The following GPR135 variants were observed in gnomAD, a reference collection of about 807,000 sequenced individuals.
The protein encoded by GPR135 is G protein-coupled receptor 135, also known as G-protein coupled receptor 135.
GPR135 carries 17 observed loss-of-function variants against 15.0 expected under a neutral mutation model. The ratio of observed to expected loss-of-function variants is 1.13; its 90% confidence interval spans 0.78 to 1.70. The LOEUF is 1.70. GPR135 is among the 40% of genes most tolerant of loss of function. The pLI is 0.00. For synonymous variants in GPR135, 368 were observed against 349.4 expected, an observed-to-expected ratio of 1.05 and a Z score of -0.59; for missense variants, 776 against 727.0, an observed-to-expected ratio of 1.07 and a Z score of -0.78.
In GPR135 at chr14:59,465,026, G is replaced by A. The variant is rs1433224068; in HGVS notation, c.201C>T (p.Pro67=). The A allele has an allele frequency of 7.5e-7, 1 of 1,334,034 alleles. No individual in the cohort carries two copies. The highest frequency in any genetic ancestry group is 9.6e-7 in the Non-Finnish European group (1 of 1,046,454). 82.6% of individuals were successfully genotyped at this position (1,334,034 alleles called of 1,614,324 possible). A position where few individuals can be genotyped will look rare whatever the true frequency, so the allele number is the denominator to read the frequency against. The stretch of plus-strand genomic sequence containing the variant: ...CGGACCCGCCAAGGCCGCCGCCACC[G>A]GGAGCGGCAGCTGTGCCGCCTCCGC... The part of the protein sequence containing the change: ...DASGGGTAAA[P]GGGGLGGSGA... Residue 67 remains proline, a synonymous_variant, in exon 1 of 1, where the codon CCC becomes CCT. Coordinates refer to ENST00000395116, the MANE Select transcript of GPR135 (RefSeq NM_022571.6).
rs755142012 is a variant in GPR135 at position 59,464,652 on chromosome 14, G to T, written c.575C>A (p.Ser192Ter). Residue 192 changes from serine (S) to a stop codon, truncating the protein, a stop_gained, in exon 1 of 1, where the codon TCG becomes TAG. Transcript: ENST00000395116. LOFTEE classifies it high-confidence loss of function. The part of the protein sequence containing the change: ...GFCAASRFFS[S>*]CFGIVSTLSV... The stretch of plus-strand genomic sequence containing the variant: ...GAGCGTGGACACGATGCCGAAGCAC[G>T]AGCTGAAGAAGCGGCTGGCGGCGCA... 4 of 1,596,864 alleles carry T rather than the reference G, an allele frequency of 2.5e-6. No homozygotes were observed. Among genetic ancestry groups the T allele is most frequent in the South Asian group, 1.1e-5 (1 of 90,438 alleles).
intron 6 of GPR135, among the ~76,000 whole-genome samples, chr14:59,452,942 T>G (rs928448427): frequency 3.3e-5 from 5 of 152,140 alleles, no homozygotes; most frequent in African/African-American, 1.2e-4. Context: ...TGGAGAAACC[T>G]AAAATGCATA....
chr14:59,460,719 C>A (rs1888823889), downstream of GPR135: 1 of 152,206 alleles, frequency 6.6e-6, no homozygotes, highest in Non-Finnish European at 1.5e-5. Flanking sequence ...AAATGAAATA[C>A]CCAAACTGGG....
Position 59,463,495 on chromosome 14 carries a change from G to T in GPR135, c.*247C>A. ...GTGAATGTTATTTTTGTCATTTTTG[G>T]CACTTACAGTTCACAATGCTTGGTT... On this transcript the variant is annotated 3_prime_UTR_variant, in exon 1 of 1. Coordinates refer to ENST00000395116, the MANE Select transcript of GPR135 (RefSeq NM_022571.6). 2.0e-6 allele frequency: 1 copy of T among 500,432 alleles called. No individual in the cohort carries two copies. The highest frequency in any genetic ancestry group is 3.5e-6 in the Non-Finnish European group (1 of 285,616). 31.0% of individuals were successfully genotyped at this position (500,432 alleles called of 1,614,324 possible).
rs769585686 is a variant in GPR135, at chr14:59,463,901, G to A, written c.1326C>T (p.Asn442=). The A allele has an allele frequency of 3.7e-6, 6 of 1,613,986 alleles. No individual in the cohort carries two copies. The South Asian group carries it at 6.6e-5, about 18-fold the overall frequency. Residue 442 remains asparagine, a synonymous_variant, in exon 1 of 1, where the codon AAC becomes AAT. Transcript: ENST00000395116. ...TGGCCGGGTTGGAAGAGGACATCCT[G>A]TTGCAGGCCCCCAGCCGGTTGGCAT... ...NRYANRLGAC[N]RMSSSNPASG...
downstream of GPR135, among the ~76,000 whole-genome samples, chr14:59,459,631 G>A (rs1403791537): frequency 6.6e-6 from 1 of 152,212 alleles, no homozygotes. Context: ...ATGTTGAGTT[G>A]CAGAAAAATA....
At position 59,464,320 on chromosome 14, in the gene GPR135, T is replaced by C. The variant is rs376968327; in HGVS notation, c.907A>G (p.Thr303Ala). ...MCFCHYHICK[T>A]VRLSDVRVRP... is the part of the protein sequence containing the mutation. Reference sequence around the variant, plus strand: ...ACGCGCACGTCCGACAGGCGCACCGTCTTGCAGATGTGGTAGTGGCAGAAG... The same window carrying C: ...ACGCGCACGTCCGACAGGCGCACCGCCTTGCAGATGTGGTAGTGGCAGAAG... The change falls in exon 1 of 1, where the codon ACG (threonine) becomes GCG (alanine). Residue 303 changes from threonine to alanine, a missense_variant. Physicochemically the swap from Thr to Ala is moderately conservative, Grantham distance 58. Transcript: ENST00000395116. 2 of 1,611,178 alleles carry C rather than the reference T, an allele frequency of 1.2e-6. No homozygotes were observed. The highest frequency in any genetic ancestry group is 1.7e-6 in the Non-Finnish European group (2 of 1,179,140).
At chr14:59,457,388 T>C (rs893598783), downstream of GPR135, among the ~76,000 whole-genome samples, 1 of 152,186 alleles carries the variant, frequency 6.6e-6, no homozygotes, top group Non-Finnish European at 1.5e-5. Flanking sequence ...TTTCAACCAT[T>C]ATTTCTTCAA....
In GPR135 at chr14:59,463,976, G is replaced by C. The variant is rs1422265183; in HGVS notation, c.1251C>G (p.Ser417Arg). 2 of 1,614,000 alleles carry C rather than the reference G, an allele frequency of 1.2e-6. No homozygotes were observed. The stretch of plus-strand genomic sequence containing the variant: ...TTCTGGCTTGCAGACCCGGGCCCTG[G>C]CTGGGCAGGAAAGCGTCCACATTCC... ...RTRNVDAFLP[S>R]QGPGLQARSR... Residue 417 changes from serine (S) to arginine (R), a missense_variant, in exon 1 of 1, where the codon AGC becomes AGG. Ser to Arg is a moderately radical substitution (Grantham distance 110). Coordinates refer to ENST00000395116, the MANE Select transcript of GPR135 (RefSeq NM_022571.6).
At chr14:59,456,294 T>A (rs946246078), downstream of GPR135, 1 of 152,234 alleles carries the variant, frequency 6.6e-6, no homozygotes, top group Non-Finnish European at 1.5e-5. Flanking sequence ...AATTAGTTTA[T>A]ATCATTTGAA....
rs1888847799 is a variant in GPR135 at position 59,461,250 on chromosome 14, T to C, written c.*2492A>G. On this transcript the variant is annotated 3_prime_UTR_variant, in exon 1 of 1. Transcript: ENST00000395116. ...ATGATGACAGTACCATAATTGATCA[T>C]GATTGATTTCCTTACCTGTAGACTT... 6.6e-6 allele frequency: 1 copy of C among 152,222 alleles called. No individual in the cohort carries two copies. The highest frequency in any genetic ancestry group is 2.4e-5 in the African/African-American group (1 of 41,448). The allele number at this position is 152,222 out of a possible 1,614,324, so 9.4% of individuals were successfully genotyped here. A position where few individuals can be genotyped will look rare whatever the true frequency, so the allele number is the denominator to read the frequency against.
rs768380689 is a variant in GPR135, at chr14:59,463,977, C to T, written c.1250G>A (p.Ser417Asn). The T allele has an allele frequency of 1.2e-6, 2 of 1,614,038 alleles. No homozygotes were observed. The highest frequency in any genetic ancestry group is 1.7e-6 in the Non-Finnish European group (2 of 1,180,032). The change falls in exon 1 of 1, where the codon AGC becomes AAC. Residue 417 changes from serine to asparagine, a missense_variant. Coordinates refer to ENST00000395116, the MANE Select transcript of GPR135 (RefSeq NM_022571.6). ...RTRNVDAFLP[S>N]QGPGLQARSR... ...TCTGGCTTGCAGACCCGGGCCCTGG[C>T]TGGGCAGGAAAGCGTCCACATTCCT...
In GPR135 at chr14:59,465,044, G is replaced by C; in HGVS notation, c.183C>G (p.Gly61=). The change falls in exon 1 of 1, where the codon GGC becomes GGG. Residue 61 remains glycine, a synonymous_variant. Coordinates refer to ENST00000395116, the MANE Select transcript of GPR135 (RefSeq NM_022571.6). ...CGCCACCGGGAGCGGCAGCTGTGCC[G>C]CCTCCGCTTGCGTCGCTCAGGTTCC... The part of the protein sequence containing the change: ...ALGNLSDASG[G]GTAAAPGGGG... 1.5e-6 allele frequency: 2 copies of C among 1,349,128 alleles called. No homozygotes were observed. Among genetic ancestry groups the C allele is most frequent in the Non-Finnish European group, 1.9e-6 (2 of 1,053,422 alleles). 83.6% of individuals were successfully genotyped at this position (1,349,128 alleles called of 1,614,324 possible). A position where few individuals can be genotyped will look rare whatever the true frequency, so the allele number is the denominator to read the frequency against.
chr14:59,464,883 A>C lies in GPR135; in HGVS notation c.344T>G (p.Leu115Arg). The C allele has an allele frequency of 6.2e-7, 1 of 1,606,378 alleles. No homozygotes were observed. The highest frequency in any genetic ancestry group is 8.5e-7 in the Non-Finnish European group (1 of 1,177,196). The change falls in exon 1 of 1, where the codon CTG (leucine) becomes CGG (arginine). Residue 115 changes from leucine (L) to arginine (R), a missense_variant. Leu to Arg is a moderately radical substitution (Grantham distance 102). Transcript: ENST00000395116. The stretch of plus-strand genomic sequence containing the variant: ...CGCGCAGTTGCCAAGGCTAGACAGC[A>C]GGAAGATGAGCAGGAGGACGAGCGC... Reference protein sequence around the residue: ...AQALVLLLIFLLSSLGNCAVM... With the variant: ...AQALVLLLIFRLSSLGNCAVM...
rs1355383257 is a variant in GPR135 at position 59,462,289 on chromosome 14, A to G, written c.*1453T>C. The G allele has an allele frequency of 6.6e-6, 1 of 152,230 alleles. No homozygotes were observed. The highest frequency in any genetic ancestry group is 1.5e-5 in the Non-Finnish European group (1 of 68,034). 9.4% of individuals were successfully genotyped at this position (152,230 alleles called of 1,614,324 possible). A position where few individuals can be genotyped will look rare whatever the true frequency, so the allele number is the denominator to read the frequency against. On this transcript the variant is annotated 3_prime_UTR_variant, in exon 1 of 1. Transcript: ENST00000395116. ...AAAGGGGCAGGATGGAGGAAAAGAA[A>G]GGGAAAAATAATATTTAAAAAAATT...
chr14:59,454,299 A>C (rs552978982), intron 6 of GPR135, among the ~76,000 whole-genome samples: 2 of 152,302 alleles, frequency 1.3e-5, no homozygotes, highest in East Asian at 3.9e-4. Context: ...AAGTTCTTCA[A>C]TTTTGGAACT....
At position 59,463,537 on chromosome 14, in the gene GPR135, T is replaced by C; in HGVS notation, c.*205A>G. 1.7e-6 allele frequency: 1 copy of C among 579,558 alleles called. No individual in the cohort carries two copies. 35.9% of individuals were successfully genotyped at this position (579,558 alleles called of 1,614,324 possible). On this transcript the variant is annotated 3_prime_UTR_variant, in exon 1 of 1. Coordinates refer to ENST00000395116, the MANE Select transcript of GPR135 (RefSeq NM_022571.6). Reference sequence around the variant, plus strand: ...TGCTTGGTTATGTGGTTTAAGATTGTTTTAATTTTTGCATTTTACATTCCT... The same window carrying C: ...TGCTTGGTTATGTGGTTTAAGATTGCTTTAATTTTTGCATTTTACATTCCT...
At chr14:59,455,353 A>T (rs1273804325) in intron 6 of GPR135, among the ~76,000 whole-genome samples, 3 of 152,190 alleles carry the variant, frequency 2.0e-5, no homozygotes, top group Non-Finnish European at 4.4e-5. Context: ...TGTTTTGTGC[A>T]CAATTTTCCA....
chr14:59,454,899 A>T (rs1225281245), intron 6 of GPR135, among the ~76,000 whole-genome samples: 1 of 152,090 alleles, frequency 6.6e-6, no homozygotes, highest in African/African-American at 2.4e-5. Context: ...CAGGAGATTG[A>T]CACCATCCTG....
Sources: gnomAD v4.1 joint callset for allele counts (sites outside exome capture counted in the v4.1 genomes callset) on GRCh38, gnomAD v4.1.1 for gene constraint, MANE v1.5 for transcripts, NCBI Gene and HGNC (gene_info 2026-07-23, HGNC 2026-07-21) for gene names.